The following IGFALS variants were observed in gnomAD, a reference collection of about 807,000 sequenced individuals.
IGFALS encodes the protein insulin-like growth factor-binding protein complex acid labile subunit.
Under a neutral mutation model 2.6 loss-of-function variants are expected in IGFALS, and 2 were observed. The ratio of observed to expected loss-of-function variants is 0.77; its 90% CI spans 0.32 to 2.44. The LOEUF (loss-of-function observed/expected upper bound fraction) is 2.44, where lower values mean the gene tolerates loss of function less well. Ranked by LOEUF, IGFALS falls within the 30% of genes most tolerant of loss-of-function variation. The pLI is 0.11. For synonymous variants in IGFALS, 519 were observed against 431.9 expected, an observed-to-expected ratio of 1.20 and a Z score of -2.50; for missense variants, 996 against 848.7, an observed-to-expected ratio of 1.17 and a Z score of -2.16.
In IGFALS at chr16:1,791,889, G is replaced by C; in HGVS notation, c.529C>G (p.Leu177Val). 6.4e-7 allele frequency: 1 copy of C among 1,569,450 alleles called. No homozygotes were observed. The highest frequency in any genetic ancestry group is 2.4e-5 in the East Asian group (1 of 42,412). Reference sequence around the variant, plus strand: ...AGCACCGCCAGGCTATTCCAGCCGAGGTTGAGGTCCCAGAGGCTGCCGAGG... The same window carrying C: ...AGCACCGCCAGGCTATTCCAGCCGACGTTGAGGTCCCAGAGGCTGCCGAGG... ...EGLGSLWDLNLGWNSLAVLPD... is the reference protein window; with the variant it reads ...EGLGSLWDLNVGWNSLAVLPD... The change falls in exon 2 of 2, where the codon CTC becomes GTC. Residue 177 changes from leucine (L) to valine (V), a missense_variant. Coordinates refer to ENST00000215539, the MANE Select transcript of IGFALS (RefSeq NM_004970.3).
chr16:1,792,244 G>C lies in IGFALS; in HGVS notation c.174C>G (p.Val58=), dbSNP rs367551148. 8.1e-6 allele frequency: 13 copies of C among 1,603,944 alleles called. No homozygotes were observed. In the African/African-American group the frequency reaches 1.7e-4, roughly 21 times the overall value. The change falls in exon 2 of 2, where the codon GTC becomes GTG. Residue 58 remains valine, a synonymous_variant. Coordinates refer to ENST00000215539, the MANE Select transcript of IGFALS (RefSeq NM_004970.3). ...GCGTGAGGTTCCTGGAGCTGCAGAAGACGCTGAGCTCATCCGCGTCGTCAT... is the reference window on the plus strand; with the variant it reads ...GCGTGAGGTTCCTGGAGCTGCAGAACACGCTGAGCTCATCCGCGTCGTCAT... ...SYDDDADELS[V]FCSSRNLTRL... is the part of the protein sequence containing the mutation.
At chr16:1,794,495 C>T (rs542113494), upstream of IGFALS, among the ~76,000 whole-genome samples, 2 of 152,278 alleles carry the variant, frequency 1.3e-5, no homozygotes, top group South Asian at 2.1e-4. Context: ...CCACAGTCAC[C>T]GCTTGTGTGC....
rs371431357 is a variant in IGFALS, at chr16:1,792,311, G to C, written c.107C>G (p.Ala36Gly). ...EGADPGTPGEAEGPACPAACV... is the reference protein window; with the variant it reads ...EGADPGTPGEGEGPACPAACV... ...GGCGGCCGGGCACGCTGGGCCCTCG[G>C]CTTCCCCCGGCGTTCCGGGGTCTGC... Residue 36 changes from alanine to glycine, a missense_variant, in exon 2 of 2, where the codon GCC becomes GGC. Ala to Gly is a moderately conservative substitution (Grantham distance 60). Transcript: ENST00000215539. 3 of 1,597,342 alleles carry C rather than the reference G, an allele frequency of 1.9e-6. No homozygotes were observed. The highest frequency in any genetic ancestry group is 2.5e-6 in the Non-Finnish European group (3 of 1,178,602).
chr16:1,791,560 G>A lies in IGFALS; in HGVS notation c.858C>T (p.Phe286=). The A allele has an allele frequency of 2.5e-6, 4 of 1,569,770 alleles. No homozygotes were observed. Among genetic ancestry groups the A allele is most frequent in the Admixed American group, 3.8e-5 (2 of 53,278 alleles). ...NRVAGLLEDT[F]PGLLGLRVLR... is the part of the protein sequence containing the mutation. ...GCACACGCAGGCCCAGCAGACCGGG[G>A]AACGTGTCCTCCAGGAGGCCAGCCA... is the stretch of plus-strand genomic sequence containing the variant. The change falls in exon 2 of 2, where the codon TTC becomes TTT. Residue 286 remains phenylalanine, a synonymous_variant. Coordinates refer to ENST00000215539, the MANE Select transcript of IGFALS (RefSeq NM_004970.3).
Position 1,791,451 on chromosome 16 carries a change from G to A in IGFALS, c.967C>T (p.His323Tyr). Residue 323 changes from histidine to tyrosine, a missense_variant, in exon 2 of 2, where the codon CAC becomes TAC. Transcript: ENST00000215539. ...TCAGCCAGCTGCCGGATGCGGTTGTGGCCCAGCTGCAGCTCCTCCAGGAAG... is the reference window on the plus strand; with the variant it reads ...TCAGCCAGCTGCCGGATGCGGTTGTAGCCCAGCTGCAGCTCCTCCAGGAAG... ...LHFLEELQLG[H>Y]NRIRQLAERS... 1.9e-6 allele frequency: 3 copies of A among 1,612,394 alleles called. No individual in the cohort carries two copies. Among genetic ancestry groups the A allele is most frequent in the Non-Finnish European group, 2.5e-6 (3 of 1,179,916 alleles).
rs751397977 is a variant in IGFALS at position 1,791,136 on chromosome 16, G to C, written c.1282C>G (p.Gln428Glu). The change falls in exon 2 of 2, where the codon CAG (glutamine) becomes GAG (glutamate). Residue 428 changes from glutamine (Q) to glutamate (E), a missense_variant. Coordinates refer to ENST00000215539, the MANE Select transcript of IGFALS (RefSeq NM_004970.3). ...KDNGLVGIEEQSLWGLAELLE... is the reference protein window; with the variant it reads ...KDNGLVGIEEESLWGLAELLE... Reference sequence around the variant, plus strand: ...AGCTCCGCCAGCCCCCACAGGCTCTGCTCCTCAATGCCCACGAGGCCGTTG... The same window carrying C: ...AGCTCCGCCAGCCCCCACAGGCTCTCCTCCTCAATGCCCACGAGGCCGTTG... 3 of 1,604,902 alleles carry C rather than the reference G, an allele frequency of 1.9e-6. No individual in the cohort carries two copies. Among genetic ancestry groups the C allele is most frequent in the East Asian group, 4.5e-5 (2 of 44,874 alleles).
chr16:1,790,809 G>A lies in IGFALS; in HGVS notation c.1609C>T (p.Pro537Ser). Reference sequence around the variant, plus strand: ...TTGAGAGGGCAGCCACAGTCCCAGGGGTTACCCTCCAGCCACAGGCGCTCC... The same window carrying A: ...TTGAGAGGGCAGCCACAGTCCCAGGAGTTACCCTCCAGCCACAGGCGCTCC... ...GLERLWLEGN[P>S]WDCGCPLKAL... The change falls in exon 2 of 2, where the codon CCC becomes TCC. Residue 537 changes from proline to serine, a missense_variant. Physicochemically the swap from Pro to Ser is moderately conservative, Grantham distance 74 (BLOSUM62 -1). Transcript: ENST00000215539. 7 of 1,570,522 alleles carry A rather than the reference G, an allele frequency of 4.5e-6. No homozygotes were observed. Among genetic ancestry groups the A allele is most frequent in the Non-Finnish European group, 3.5e-6 (4 of 1,159,202 alleles).
chr16:1,793,704 G>T lies in IGFALS; in HGVS notation c.-52C>A. The stretch of plus-strand genomic sequence containing the variant: ...GGCAGCGAGGGAGGGTACGTCTGCT[G>T]TGCCGGCCACCCCTGCCCTCTGGAT... On this transcript the variant is annotated 5_prime_UTR_variant, in exon 1 of 2. Transcript: ENST00000215539. The T allele has an allele frequency of 6.5e-7, 1 of 1,545,740 alleles. No homozygotes were observed. Among genetic ancestry groups the T allele is most frequent in the East Asian group, 2.4e-5 (1 of 42,250 alleles).
At position 1,791,931 on chromosome 16, in the gene IGFALS, C is replaced by A. The variant is rs1482033839; in HGVS notation, c.487G>T (p.Asp163Tyr). Residue 163 changes from aspartate to tyrosine, a missense_variant, in exon 2 of 2, where the codon GAC (aspartate) becomes TAC (tyrosine). Asp to Tyr is a radical substitution (Grantham distance 160). Transcript: ENST00000215539. The stretch of plus-strand genomic sequence containing the variant: ...CTGCCGAGGCCCTCGAAGAGCCCGT[C>A]CTCCAGCCTGCTCAGACGGTTGTTG... ...LSNNRLSRLE[D>Y]GLFEGLGSLW... 6.3e-7 allele frequency: 1 copy of A among 1,586,196 alleles called. No individual in the cohort carries two copies. Among genetic ancestry groups the A allele is most frequent in the Admixed American group, 1.8e-5 (1 of 56,156 alleles).
Position 1,791,070 on chromosome 16 carries a change from G to T in IGFALS, c.1348C>A (p.Pro450Thr), listed in dbSNP as rs745430262. The change falls in exon 2 of 2, where the codon CCC becomes ACC. Residue 450 changes from proline to threonine, a missense_variant. Pro to Thr is a conservative substitution (Grantham distance 38). Transcript: ENST00000215539. ...CCCAGGCCCTGGAAGAGGCGGTGGG[G>T]CAGGTGCGTGAGCTGGTTGGAGGTC... ...DLTSNQLTHL[P>T]HRLFQGLGKL... 6.3e-7 allele frequency: 1 copy of T among 1,598,940 alleles called. No individual in the cohort carries two copies. Among genetic ancestry groups the T allele is most frequent in the Non-Finnish European group, 8.5e-7 (1 of 1,179,784 alleles).
rs1213565526 is a variant in IGFALS at position 1,790,660 on chromosome 16, C to T, written c.1758G>A (p.Pro586=). 3 of 1,599,210 alleles carry T rather than the reference C, an allele frequency of 1.9e-6. No homozygotes were observed. Among genetic ancestry groups the T allele is most frequent in the African/African-American group, 1.3e-5 (1 of 74,636 alleles). The change falls in exon 2 of 2, where the codon CCG becomes CCA. Residue 586 remains proline, a synonymous_variant. Transcript: ENST00000215539. The part of the protein sequence containing the change: ...YTYNNITCAS[P]PEVVGLDLRD... ...GCAGGTCGAGCCCCACGACCTCGGG[C>T]GGGCTGGCACAGGTGATGTTGTTGT...
At position 1,790,498 on chromosome 16, in the gene IGFALS, G is replaced by C. The variant is rs886051774; in HGVS notation, c.*102C>G. The C allele has an allele frequency of 3.9e-5, 40 of 1,034,068 alleles. No homozygotes were observed. In the African/African-American group the frequency reaches 5.7e-4, roughly 15 times the overall value. 64.1% of individuals were successfully genotyped at this position (1,034,068 alleles called of 1,614,324 possible). A position where few individuals can be genotyped will look rare whatever the true frequency, so the allele number is the denominator to read the frequency against. On this transcript the variant is annotated 3_prime_UTR_variant, in exon 2 of 2. Transcript: ENST00000215539. The stretch of plus-strand genomic sequence containing the variant: ...CCCCATCAGGCCCTTGCGTCTTCCA[G>C]CAAGTGCACTGGGCAGGCCCCTGAG...
intron 1 of IGFALS, 77 bp downstream of exon 1, chr16:1,793,560 C>T (rs1226480738): frequency 2.8e-6 from 4 of 1,446,186 alleles, no homozygotes; most frequent in Non-Finnish European, 3.8e-6. Flanking sequence ...GGGGGCTACC[C>T]CGGCCTCTCC....
upstream of IGFALS, chr16:1,793,898 C>T (rs940579030): frequency 2.6e-5 from 11 of 417,996 alleles, no homozygotes; most frequent in Admixed American, 4.1e-5. Context: ...AGCCGTAATG[C>T]GGCCCTGGGG....
chr16:1,791,784 C>T lies in IGFALS; in HGVS notation c.634G>A (p.Ala212Thr), dbSNP rs368097770. The T allele has an allele frequency of 5.1e-4, 784 of 1,548,406 alleles. No homozygotes were observed. The highest frequency in any genetic ancestry group is 9.7e-4 in the East Asian group (40 of 41,230). The change falls in exon 2 of 2, where the codon GCG becomes ACG. Residue 212 changes from alanine (A) to threonine (T), a missense_variant. By Grantham distance (58) the Ala-to-Thr change is moderately conservative. Transcript: ENST00000215539. ...AGCTCGGCCAGGCCGCTGAAGAGCG[C>T]GGGCTGCAGGTAGGCCAGCCTGTTG... ...AGNRLAYLQP[A>T]LFSGLAELRE...
At chr16:1,792,947 G>A (rs755020190) in intron 1 of IGFALS, among the ~76,000 whole-genome samples, 5 of 152,228 alleles carry the variant, frequency 3.3e-5, no homozygotes, top group Admixed American at 1.3e-4. Flanking sequence ...CGGGTGCTGC[G>A]GGAGGGGACC....
At position 1,790,902 on chromosome 16, in the gene IGFALS, C is replaced by T. The variant is rs141460735; in HGVS notation, c.1516G>A (p.Gly506Arg). 1,049 of 1,581,616 alleles carry T rather than the reference C, an allele frequency of 6.6e-4. 3 individuals carry two copies. In the African/African-American group the frequency reaches 0.012, roughly 18 times the overall value. The change falls in exon 2 of 2, where the codon GGG (glycine) becomes AGG (arginine). Residue 506 changes from glycine (G) to arginine (R), a missense_variant. By Grantham distance (125) the Gly-to-Arg change is moderately radical. Transcript: ENST00000215539. ...CTGAGGCTGAGGTAGCGCAGCCGCC[C>T]CAGTGGTGCCAAGAGGCTGTTGGGC... Reference protein sequence around the residue: ...ALPNSLLAPLGRLRYLSLRNN... With the variant: ...ALPNSLLAPLRRLRYLSLRNN...
rs1364522121 is a variant in IGFALS, at chr16:1,792,366, C to T, written c.52G>A (p.Val18Met). Residue 18 changes from valine (V) to methionine (M), a missense_variant, in exon 2 of 2, where the codon GTG becomes ATG. Coordinates refer to ENST00000215539, the MANE Select transcript of IGFALS (RefSeq NM_004970.3). ...LALALLLLSW[V>M]ALGPRSLEGA... The stretch of plus-strand genomic sequence containing the variant: ...TCCAGGCTGCGGGGGCCCAGTGCCA[C>T]CCAGGACAGCAGCAGCAGCGCCAGG... The T allele has an allele frequency of 6.3e-7, 1 of 1,585,018 alleles. No homozygotes were observed. Among genetic ancestry groups the T allele is most frequent in the Admixed American group, 1.7e-5 (1 of 59,280 alleles).
chr16:1,791,323 C>T lies in IGFALS; in HGVS notation c.1095G>A (p.Ala365=), dbSNP rs760574429. Residue 365 remains alanine (A), a synonymous_variant, in exon 2 of 2, where the codon GCG becomes GCA. Coordinates refer to ENST00000215539, the MANE Select transcript of IGFALS (RefSeq NM_004970.3). ...GACAGTTCCCAGAGAGGTTCATGAC[C>T]GCCACGTTGGTGAGGCCGAGGAAAG... ...AGAFLGLTNV[A]VMNLSGNCLR... The T allele has an allele frequency of 1.6e-5, 26 of 1,608,418 alleles. No homozygotes were observed. The highest frequency in any genetic ancestry group is 1.3e-4 in the Admixed American group (8 of 60,000).
Sources: gnomAD v4.1 joint callset for allele counts (sites outside exome capture counted in the v4.1 genomes callset) on GRCh38, gnomAD v4.1.1 for gene constraint, MANE v1.5 for transcripts, NCBI Gene and HGNC (gene_info 2026-07-23, HGNC 2026-07-21) for gene names.